ENY2: variants seen among roughly 807,000 people sequenced by gnomAD.
ENY2 encodes ENY2 transcription and export complex 2 subunit, also known as transcription and mRNA export factor ENY2.
In ENY2, 4 loss-of-function variants were observed where a neutral mutation model predicts 15.9. The ratio of observed to expected loss-of-function variants is 0.25; its 90% CI spans 0.12 to 0.57. ENY2 has a LOEUF of 0.57. Among genes scored for constraint, ENY2 ranks in the 20% least tolerant of loss-of-function variants. The pLI is 0.91. For synonymous variants in ENY2, 48 were observed against 38.0 expected (o/e 1.26, Z -0.97); for missense variants, 54 against 117.2 (o/e 0.46, Z 2.49).
At chr8:109,340,850 A>G (rs143441123) in intron 4 of ENY2, 3 of 277,554 alleles carry the variant, frequency 1.1e-5, no homozygotes, top group African/African-American at 6.7e-5. Context: ...CAAATACTAC[A>G]TGAAGCTAGG....
chr8:109,341,800 T>C (rs1170500985), intron 4 of ENY2, among the ~76,000 whole-genome samples: 1 of 152,200 alleles, frequency 6.6e-6, no homozygotes, highest in Non-Finnish European at 1.5e-5. Context: ...TATACATATG[T>C]ATAGGTTCGT....
In ENY2 at chr8:109,343,721, A is replaced by G; in HGVS notation, c.*240A>G. The G allele has an allele frequency of 2.3e-6, 1 of 433,524 alleles. No homozygotes were observed. The highest frequency in any genetic ancestry group is 4.1e-6 in the Non-Finnish European group (1 of 244,822). The allele number at this position is 433,524 out of a possible 1,614,324, so 26.9% of individuals were successfully genotyped here. Reference sequence around the variant, plus strand: ...GGGACTTTGTCTTTATTACTAATTCACCAAATTTGTTGAGCGCAAAAGCAA... The same window carrying G: ...GGGACTTTGTCTTTATTACTAATTCGCCAAATTTGTTGAGCGCAAAAGCAA... On this transcript the variant is annotated 3_prime_UTR_variant, in exon 5 of 5. Coordinates refer to ENST00000521688, the MANE Select transcript of ENY2 (RefSeq NM_020189.6).
chr8:109,338,075 G>A (rs990181275), intron 2 of ENY2, among the ~76,000 whole-genome samples: 1 of 152,152 alleles, frequency 6.6e-6, no homozygotes, highest in Non-Finnish European at 1.5e-5. Flanking sequence ...AGATCATGAA[G>A]GATCATGTAG....
chr8:109,334,401 T>C lies in ENY2; in HGVS notation c.-68T>C. The C allele has an allele frequency of 6.2e-7, 1 of 1,611,496 alleles. No individual in the cohort carries two copies. The highest frequency in any genetic ancestry group is 1.1e-5 in the South Asian group (1 of 90,670). ...TCTAAGTCCGGGCAGCCGAAGAGTG[T>C]GGTAGGTAACGGTCCTCAGCGCAAG... On this transcript the variant is annotated 5_prime_UTR_variant, in exon 1 of 5. Transcript: ENST00000521688.
At chr8:109,337,937 G>A (rs1432368128) in intron 2 of ENY2, among the ~76,000 whole-genome samples, 1 of 152,014 alleles carries the variant, frequency 6.6e-6, no homozygotes, top group African/African-American at 2.4e-5. Context: ...GGGTGAGCAG[G>A]GACTCTTTAA....
chr8:109,340,990 C>CTT (rs1816099767), intron 4 of ENY2, among the ~76,000 whole-genome samples: 1 of 152,096 alleles, frequency 6.6e-6, no homozygotes, highest in Non-Finnish European at 1.5e-5. Context: ...TAAATGTCTA[C>CTT]TTAAGAATTT....
intron 1 of ENY2, chr8:109,334,694 A>G (rs1250074583): frequency 2.3e-5 from 13 of 570,066 alleles, no homozygotes; most frequent in African/African-American, 2.0e-4. Context: ...TATTTTCCCT[A>G]AGAATGTCTG....
intron 2 of ENY2, among the ~76,000 whole-genome samples, chr8:109,337,342 C>T (rs186443300): frequency 5.8e-4 from 80 of 136,852 alleles, no homozygotes; most frequent in South Asian, 4.0e-3. Context: ...GTAAGGAGTA[C>T]GGATTGTATG....
intron 1 of ENY2, chr8:109,335,855 TCAGTAAAATA>T: frequency 4.4e-6 from 1 of 229,654 alleles, no homozygotes; most frequent in Non-Finnish European, 8.4e-6. Context: ...AGTTTCCTCA[TCAGTAAAATA>T]CAGATTATTT....
chr8:109,334,569 C>T lies in ENY2; in HGVS notation c.6+95C>T, dbSNP rs183151327. 3 of 1,458,642 alleles carry T rather than the reference C, an allele frequency of 2.1e-6. No homozygotes were observed. The African/African-American group carries it at 4.2e-5, about 21-fold the overall frequency. 90.4% of individuals were successfully genotyped at this position (1,458,642 alleles called of 1,614,324 possible). A position where few individuals can be genotyped will look rare whatever the true frequency, so the allele number is the denominator to read the frequency against. On this transcript the variant is annotated intron_variant, in intron 1 of 4. Transcript: ENST00000521688. ...TTCGTTAGCGTCCCCGACCCGCGCTCGCGGGCCTGTAGGGCTCTCCGACAG... is the reference window on the plus strand; with the variant it reads ...TTCGTTAGCGTCCCCGACCCGCGCTTGCGGGCCTGTAGGGCTCTCCGACAG...
In ENY2 at chr8:109,345,656, T is replaced by A. The variant is rs7815019; in HGVS notation, c.*2175T>A. The A allele has an allele frequency of 6.6e-6, 1 of 152,150 alleles. No homozygotes were observed. Among genetic ancestry groups the A allele is most frequent in the Admixed American group, 6.6e-5 (1 of 15,266 alleles). 9.4% of individuals were successfully genotyped at this position (152,150 alleles called of 1,614,324 possible). ...AGGAAAGGTGAGAAATAGCGGATAG[T>A]TCTTATTTCATAGTACTGTATATGG... On this transcript the variant is annotated 3_prime_UTR_variant, in exon 5 of 5. Transcript: ENST00000521688.
intron 4 of ENY2, among the ~76,000 whole-genome samples, chr8:109,342,270 C>T (rs555666664): frequency 1.3e-5 from 2 of 149,602 alleles, no homozygotes; most frequent in Non-Finnish European, 3.0e-5. Context: ...TTTACTAGCT[C>T]GGAGTGTATA....
At position 109,336,061 on chromosome 8, in the gene ENY2, G is replaced by A. The variant is rs545168196; in HGVS notation, c.7-67G>A. 4.1e-5 allele frequency: 60 copies of A among 1,456,074 alleles called. No individual in the cohort carries two copies. In the African/African-American group the frequency reaches 7.6e-4, roughly 18 times the overall value. 90.2% of individuals were successfully genotyped at this position (1,456,074 alleles called of 1,614,324 possible). ...GAATGGTAAACATGTTAGGATGCCTGCCTAGAGGATTTAGCAGAAAATGCT... is the reference window on the plus strand; with the variant it reads ...GAATGGTAAACATGTTAGGATGCCTACCTAGAGGATTTAGCAGAAAATGCT... On this transcript the variant is annotated intron_variant, in intron 1 of 4. Coordinates refer to ENST00000521688, the MANE Select transcript of ENY2 (RefSeq NM_020189.6).
chr8:109,334,726 G>T (rs1815919170), intron 1 of ENY2: 1 of 535,896 alleles, frequency 1.9e-6, no homozygotes, highest in Non-Finnish European at 3.3e-6. Context: ...ATACCCTAGC[G>T]CCCTTGTTTT....
intron 2 of ENY2, among the ~76,000 whole-genome samples, chr8:109,337,980 G>C (rs754353028): frequency 2.0e-5 from 3 of 152,162 alleles, no homozygotes; most frequent in Non-Finnish European, 4.4e-5. Context: ...TTTCATTTTT[G>C]AGGAGCACAG....
rs771044687 is a variant in ENY2, at chr8:109,340,578, G to A, written c.229+15G>A. ...AAAAGGCAGAGGTAAGGAATACAGA[G>A]TTTGTTAAAGGAAACATGCTGCAGA... On this transcript the variant is annotated intron_variant, in intron 4 of 4. Coordinates refer to ENST00000521688, the MANE Select transcript of ENY2 (RefSeq NM_020189.6). 6 of 1,612,372 alleles carry A rather than the reference G, an allele frequency of 3.7e-6. No individual in the cohort carries two copies. In the East Asian group the frequency reaches 8.9e-5, roughly 24 times the overall value.
chr8:109,335,246 A>G (rs1166448688), intron 1 of ENY2: 1 of 152,208 alleles, frequency 6.6e-6, no homozygotes, highest in Non-Finnish European at 1.5e-5. Context: ...GTGTGTGTGT[A>G]AACACACACA....
chr8:109,343,493 A>T lies in ENY2; in HGVS notation c.*12A>T. The T allele has an allele frequency of 6.2e-7, 1 of 1,601,876 alleles. No homozygotes were observed. The highest frequency in any genetic ancestry group is 1.1e-5 in the South Asian group (1 of 88,030). Reference sequence around the variant, plus strand: ...ATGCCAGCCTTTAAGATTGAATTAGATTGTGTTGTTGTGGTTTTATTTCTG... The same window carrying T: ...ATGCCAGCCTTTAAGATTGAATTAGTTTGTGTTGTTGTGGTTTTATTTCTG... On this transcript the variant is annotated 3_prime_UTR_variant, in exon 5 of 5. Transcript: ENST00000521688.
Position 109,344,737 on chromosome 8 carries a change from C to G in ENY2, c.*1256C>G, listed in dbSNP as rs926568028. On this transcript the variant is annotated 3_prime_UTR_variant, in exon 5 of 5. Transcript: ENST00000521688. ...GGTGCTCATGCTGCTGATTGAGAAC[C>G]ACTTCTGAATATAGCAAGGCTGTAA... is the stretch of plus-strand genomic sequence containing the variant. The G allele has an allele frequency of 3.3e-5, 5 of 152,168 alleles. No homozygotes were observed. Among genetic ancestry groups the G allele is most frequent in the African/African-American group, 1.2e-4 (5 of 41,434 alleles). 9.4% of individuals were successfully genotyped at this position (152,168 alleles called of 1,614,324 possible).
Sources: gnomAD v4.1 joint callset for allele counts (sites outside exome capture counted in the v4.1 genomes callset) on GRCh38, gnomAD v4.1.1 for gene constraint, MANE v1.5 for transcripts, NCBI Gene and HGNC (gene_info 2026-07-23, HGNC 2026-07-21) for gene names.